The following COPG1 variants were observed in gnomAD, a reference collection of about 807,000 sequenced individuals.
COPG1 encodes the protein coat protein complex I subunit gamma 1, also known as coatomer subunit gamma-1.
In COPG1, 29 loss-of-function variants were observed where a neutral mutation model predicts 102.8. The observed-to-expected ratio is 0.28, with a 90% confidence interval of 0.21 to 0.38. The LOEUF (loss-of-function observed/expected upper bound fraction) is 0.38, where lower values mean the gene tolerates loss of function less well. Among genes scored for constraint, COPG1 ranks in the 10% least tolerant of loss-of-function variants. The pLI, the probability that COPG1 is intolerant of heterozygous loss-of-function variation, is 1.00. For synonymous variants in COPG1, 406 were observed against 421.6 expected (o/e 0.96, Z 0.45); for missense variants, 875 against 1,132.7 (o/e 0.77, Z 3.27).
chr3:129,263,880 C>T (rs769642153), intron 12 of COPG1, 24 bp from the exon 13 acceptor site: 42 of 1,604,692 alleles, frequency 2.6e-5, no homozygotes, highest in Non-Finnish European at 1.4e-5. Context: ...GGGCCTGCTG[C>T]TCATGCACGT....
chr3:129,254,000 C>CAAA (rs58354730), intron 5 of COPG1, among the ~76,000 whole-genome samples: 10 of 74,034 alleles, frequency 1.4e-4, no homozygotes, highest in Admixed American at 7.4e-4. Context: ...GACTGCGTCT[C>CAAA]AAAAAAAAAA....
Position 129,277,548 on chromosome 3 carries a change from C to T in COPG1, c.*124C>T, listed in dbSNP as rs373431430. ...ATTGAAAAACAATTAGGAATCATTG[C>T]AGATTTTTTTTTATTCTGCTCCCAC... On this transcript the variant is annotated 3_prime_UTR_variant, in exon 24 of 24. Transcript: ENST00000314797. 52 of 1,079,102 alleles carry T rather than the reference C, an allele frequency of 4.8e-5. 6 individuals carry two copies. Among genetic ancestry groups the T allele is most frequent in the Admixed American group, 3.7e-4 (14 of 37,580 alleles). 66.8% of individuals were successfully genotyped at this position (1,079,102 alleles called of 1,614,324 possible).
intron 1 of COPG1, 51 bp downstream of exon 1, chr3:129,249,797 G>A: frequency 6.5e-7 from 1 of 1,542,242 alleles, no homozygotes; most frequent in East Asian, 2.4e-5. Context: ...CACCCGCCGA[G>A]CTTTCCTTCT....
intron 5 of COPG1, 88 bp downstream of exon 5, chr3:129,253,043 T>C: frequency 8.5e-7 from 1 of 1,181,284 alleles, no homozygotes; most frequent in Non-Finnish European, 1.2e-6. Context: ...TGAGACTTGG[T>C]TGCATATTGC....
At position 129,255,938 on chromosome 3, in the gene COPG1, G is replaced by C. The variant is rs567623848; in HGVS notation, c.493-130G>C. 1.4e-4 allele frequency: 95 copies of C among 695,534 alleles called. 1 individual carries two copies. Among genetic ancestry groups the C allele is most frequent in the South Asian group, 2.1e-4 (12 of 58,308 alleles). 43.1% of individuals were successfully genotyped at this position (695,534 alleles called of 1,614,324 possible). On this transcript the variant is annotated intron_variant, in intron 7 of 23. Transcript: ENST00000314797. ...TTGAGGGTGGGAGCATCCTGAGTTT[G>C]TCCATGGTCTCTGAGGACCAGGACA...
At position 129,259,869 on chromosome 3, in the gene COPG1, A is replaced by C. The variant is rs377248954; in HGVS notation, c.872-464A>C. 1.8e-4 allele frequency among the ~76,000 whole-genome samples: 28 copies of C among 152,342 alleles called. No individual in the cohort carries two copies. The South Asian group carries it at 5.8e-3, about 32-fold the overall frequency. Reference sequence around the variant, plus strand: ...AAGTTCTGTTGGATCCTGTAGACACAGTAGGAGAGAGGAGTGGAATATTAC... The same window carrying C: ...AAGTTCTGTTGGATCCTGTAGACACCGTAGGAGAGAGGAGTGGAATATTAC... On this transcript the variant is annotated intron_variant, in intron 10 of 23. Transcript: ENST00000314797.
At chr3:129,255,986 C>A in intron 7 of COPG1, 82 bp from the exon 8 acceptor site, 2 of 1,242,630 alleles carry the variant, frequency 1.6e-6, no homozygotes, top group Non-Finnish European at 1.2e-6. Context: ...TGAGCTGTGT[C>A]TGAGGGAAGA....
At chr3:129,266,724 G>C (rs559099010) in intron 14 of COPG1, among the ~76,000 whole-genome samples, 1 of 152,248 alleles carries the variant, frequency 6.6e-6, no homozygotes, top group South Asian at 2.1e-4. Context: ...TTACATTATA[G>C]CCAGCTTCTG....
chr3:129,257,304 G>A (rs150152025), intron 8 of COPG1, among the ~76,000 whole-genome samples, 166 bp from the exon 9 acceptor site: 4 of 152,314 alleles, frequency 2.6e-5, no homozygotes, highest in African/African-American at 9.6e-5. Flanking sequence ...TGTGTGGAGG[G>A]CTGTGTACAC....
At chr3:129,272,122 CA>C in intron 19 of COPG1, 121 bp from the exon 20 acceptor site, 1 of 1,070,448 alleles carries the variant, frequency 9.3e-7, no homozygotes, top group Non-Finnish European at 1.4e-6. Context: ...GAACCTGGGG[CA>C]GGGGGACTGG....
intron 5 of COPG1, 104 bp downstream of exon 5, chr3:129,253,059 G>A: frequency 1.0e-6 from 1 of 990,714 alleles, no homozygotes; most frequent in Non-Finnish European, 1.6e-6. Context: ...ATTGCCAGCT[G>A]CCCACCCCGT....
rs1453862459 is a variant in COPG1 at position 129,269,013 on chromosome 3, G to T, written c.1843+13G>T. Reference sequence around the variant, plus strand: ...GAGATCTTCCAGGGTGAGTCACAGTGGTTGGGGGATGCTTGGGACCTGGGC... The same window carrying T: ...GAGATCTTCCAGGGTGAGTCACAGTTGTTGGGGGATGCTTGGGACCTGGGC... On this transcript the variant is annotated intron_variant, in intron 18 of 23. Transcript: ENST00000314797. The T allele has an allele frequency of 1.2e-6, 2 of 1,613,168 alleles. No homozygotes were observed. The highest frequency in any genetic ancestry group is 1.7e-6 in the Non-Finnish European group (2 of 1,179,168).
In COPG1 at chr3:129,249,642, T is replaced by A; in HGVS notation, c.-68T>A. On this transcript the variant is annotated 5_prime_UTR_variant, in exon 1 of 24. Transcript: ENST00000314797. Reference sequence around the variant, plus strand: ...GGAAGTGGTCCCTGTAGAACCACTGTGGCACCGCTACTCCGTGCCGCGCCC... The same window carrying A: ...GGAAGTGGTCCCTGTAGAACCACTGAGGCACCGCTACTCCGTGCCGCGCCC... 6.5e-7 allele frequency: 1 copy of A among 1,529,090 alleles called. No homozygotes were observed. Among genetic ancestry groups the A allele is most frequent in the East Asian group, 2.5e-5 (1 of 40,736 alleles). The allele number at this position is 1,529,090 out of a possible 1,614,324, so 94.7% of individuals were successfully genotyped here.
intron 13 of COPG1, 21 bp downstream of exon 13, chr3:129,264,020 G>C: frequency 1.3e-6 from 2 of 1,585,766 alleles, no homozygotes; most frequent in Non-Finnish European, 1.7e-6. Context: ...GGGGCATTCG[G>C]GGGATGCCAG....
At position 129,267,923 on chromosome 3, in the gene COPG1, T is replaced by C; in HGVS notation, c.1545-14T>C. ...CTGGGTCCCAGTCAGGACCACCTTGTGTCCTGGCTGCAGGTGTGTGATGGA... is the reference window on the plus strand; with the variant it reads ...CTGGGTCCCAGTCAGGACCACCTTGCGTCCTGGCTGCAGGTGTGTGATGGA... On this transcript the variant is annotated splice_polypyrimidine_tract_variant and intron_variant, in intron 15 of 23. Transcript: ENST00000314797. 1 of 1,608,800 alleles carries C rather than the reference T, an allele frequency of 6.2e-7. No individual in the cohort carries two copies. Among genetic ancestry groups the C allele is most frequent in the African/African-American group, 1.3e-5 (1 of 74,938 alleles).
intron 23 of COPG1, among the ~76,000 whole-genome samples, chr3:129,276,129 T>G (rs987964012): frequency 2.6e-5 from 4 of 152,244 alleles, no homozygotes; most frequent in Admixed American, 1.3e-4. Context: ...TGTATACCTT[T>G]CTTCCTACAC....
intron 2 of COPG1, chr3:129,250,955 G>C: frequency 2.5e-6 from 1 of 406,552 alleles, no homozygotes. Flanking sequence ...ACAGAGTCTT[G>C]CTCTGTCGCT....
At position 129,275,368 on chromosome 3, in the gene COPG1, C is replaced by A; in HGVS notation, c.2494+76C>A. On this transcript the variant is annotated intron_variant, in intron 23 of 23. Transcript: ENST00000314797. This position sits in a 1 kb window ranked among gnomAD's most constrained non-coding sequence, Gnocchi z 5.0. ...GCCACTGGATCCTGGGCTAAGGACTCCACTGTAAATATGGGGAGTCAAAAT... is the reference window on the plus strand; with the variant it reads ...GCCACTGGATCCTGGGCTAAGGACTACACTGTAAATATGGGGAGTCAAAAT... 1 of 1,086,918 alleles carries A rather than the reference C, an allele frequency of 9.2e-7. No homozygotes were observed. The highest frequency in any genetic ancestry group is 1.4e-6 in the Non-Finnish European group (1 of 721,486). 67.3% of individuals were successfully genotyped at this position (1,086,918 alleles called of 1,614,324 possible).
intron 11 of COPG1, 45 bp from the exon 12 acceptor site, chr3:129,260,574 C>G: frequency 6.3e-7 from 1 of 1,595,404 alleles, no homozygotes; most frequent in South Asian, 1.1e-5. Flanking sequence ...AATGTAGTGA[C>G]AGCATTGGGT....
Sources: allele counts gnomAD v4.1 joint callset (sites outside exome capture counted in the v4.1 genomes callset), GRCh38; gene constraint gnomAD v4.1.1; non-coding constraint Gnocchi (gnomAD v3.1); transcripts MANE v1.5; gene names NCBI Gene and HGNC (gene_info 2026-07-23, HGNC 2026-07-21).